The following ZMYND15 variants were observed in gnomAD, a reference collection of about 807,000 sequenced individuals.
ZMYND15 encodes zinc finger MYND domain-containing protein 15.
A neutral mutation model predicts 81.7 loss-of-function variants in ZMYND15; 54 were observed. That is an observed-to-expected ratio of 0.66 (90% CI 0.53 to 0.83). The LOEUF is 0.83. Ranked by LOEUF, ZMYND15 falls within the 40% of genes least tolerant of loss-of-function variation. The probability of loss-of-function intolerance (pLI) is 0.00; values close to 1 mark genes in which losing one functional copy is unlikely to be tolerated. For missense variants in ZMYND15, 925 were observed against 973.5 expected (o/e 0.95, Z 0.66); for synonymous variants, 399 against 387.0 (o/e 1.03, Z -0.36).
chr17:4,741,755 A>G lies in ZMYND15; in HGVS notation c.766A>G (p.Met256Val), dbSNP rs777394295. Residue 256 changes from methionine (M) to valine (V), a missense_variant, in exon 3 of 14, where the codon ATG (methionine) becomes GTG (valine). Transcript: ENST00000433935. ...ALLCHSMACP[M>V]GSGDPRKPRQ... is the part of the protein sequence containing the mutation. ...CCTCTGTCACAGCATGGCCTGTCCC[A>G]TGGGCTCTGGGGATCCCCGAAAGCC... 1.9e-6 allele frequency: 3 copies of G among 1,598,728 alleles called. No individual in the cohort carries two copies. In the South Asian group the frequency reaches 3.3e-5, roughly 18 times the overall value.
In ZMYND15 at chr17:4,740,646, G is replaced by A. The variant is rs759608980; in HGVS notation, c.98G>A (p.Gly33Glu). The A allele has an allele frequency of 1.9e-6, 3 of 1,614,194 alleles. No homozygotes were observed. The highest frequency in any genetic ancestry group is 2.5e-6 in the Non-Finnish European group (3 of 1,180,004). Reference sequence around the variant, plus strand: ...TTTGTGGCAGAGCGTGGAGCTGTAGGGACTAGCCTTGAGGGCCGCTGCCGG... The same window carrying A: ...TTTGTGGCAGAGCGTGGAGCTGTAGAGACTAGCCTTGAGGGCCGCTGCCGG... ...RKFVAERGAV[G>E]TSLEGRCRQL... Residue 33 changes from glycine to glutamate, a missense_variant, in exon 2 of 14, where the codon GGG becomes GAG. Physicochemically the swap from Gly to Glu is moderately conservative, Grantham distance 98. Transcript: ENST00000433935.
Position 4,743,917 on chromosome 17 carries a change from G to A in ZMYND15, c.1378+70G>A, listed in dbSNP as rs1916548030. On this transcript the variant is annotated intron_variant, in intron 7 of 13. Coordinates refer to ENST00000433935, the MANE Select transcript of ZMYND15 (RefSeq NM_001136046.3). This position sits in a 1 kb window ranked among gnomAD's most constrained non-coding sequence, Gnocchi z 4.3. ...CTGGAGAACCAGAGCCTGGGTGGCT[G>A]TGAAGAAGAGGTTTGTTAGACTAGA... is the stretch of plus-strand genomic sequence containing the variant. The A allele has an allele frequency of 3.2e-6, 5 of 1,587,258 alleles. No individual in the cohort carries two copies. The South Asian group carries it at 4.5e-5, about 14-fold the overall frequency.
At chr17:4,740,389 C>T (rs757440558) in intron 1 of ZMYND15, 130 bp from the exon 2 acceptor site, 2 of 1,339,170 alleles carry the variant, frequency 1.5e-6, no homozygotes, top group South Asian at 2.1e-5. Context: ...TCCTCTTCTC[C>T]GCTCCTAGCA....
In ZMYND15 at chr17:4,741,728, C is replaced by G. The variant is rs1916424623; in HGVS notation, c.739C>G (p.Leu247Val). ...TKDLAPWAYA[L>V]LCHSMACPMG... ...GGACCTGGCTCCTTGGGCCTATGCT[C>G]TCCTCTGTCACAGCATGGCCTGTCC... The change falls in exon 3 of 14, where the codon CTC becomes GTC. Residue 247 changes from leucine (L) to valine (V), a missense_variant. Transcript: ENST00000433935. 1 of 1,612,352 alleles carries G rather than the reference C, an allele frequency of 6.2e-7. No individual in the cohort carries two copies. The highest frequency in any genetic ancestry group is 8.5e-7 in the Non-Finnish European group (1 of 1,179,044).
Position 4,744,446 on chromosome 17 carries a change from G to A in ZMYND15, c.1662G>A (p.Glu554=). Residue 554 remains glutamate (E), a synonymous_variant, in exon 10 of 14, where the codon GAG becomes GAA. Coordinates refer to ENST00000433935, the MANE Select transcript of ZMYND15 (RefSeq NM_001136046.3). The surrounding 1 kb of genome is among the most constrained non-coding windows in gnomAD (Gnocchi z 4.1). ...ATGGCCTGCCCCCCGAAAGCGACGAGCAGCATTTTACCCTGCAGAGGGTGA... is the reference window on the plus strand; with the variant it reads ...ATGGCCTGCCCCCCGAAAGCGACGAACAGCATTTTACCCTGCAGAGGGTGA... ...VGDGLPPESD[E]QHFTLQRDSL... The A allele has an allele frequency of 6.2e-7, 1 of 1,614,088 alleles. No homozygotes were observed. The highest frequency in any genetic ancestry group is 8.5e-7 in the Non-Finnish European group (1 of 1,180,008).
chr17:4,744,942 G>A lies in ZMYND15; in HGVS notation c.1896+14G>A, dbSNP rs775128901. 1.9e-6 allele frequency: 3 copies of A among 1,614,026 alleles called. No individual in the cohort carries two copies. The highest frequency in any genetic ancestry group is 2.2e-5 in the East Asian group (1 of 44,874). On this transcript the variant is annotated intron_variant, in intron 12 of 13. Coordinates refer to ENST00000433935, the MANE Select transcript of ZMYND15 (RefSeq NM_001136046.3). This position sits in a 1 kb window ranked among gnomAD's most constrained non-coding sequence, Gnocchi z 4.1. ...CCCCGGTTACAGGTGGGCAATGGGG[G>A]CAAAAGGGAACTTCTCTCCCCTCCT...
At position 4,744,511 on chromosome 17, in the gene ZMYND15, G is replaced by A; in HGVS notation, c.1683+44G>A. 3 of 1,612,286 alleles carry A rather than the reference G, an allele frequency of 1.9e-6. No homozygotes were observed. Among genetic ancestry groups the A allele is most frequent in the Non-Finnish European group, 2.5e-6 (3 of 1,178,722 alleles). On this transcript the variant is annotated intron_variant, in intron 10 of 13. Coordinates refer to ENST00000433935, the MANE Select transcript of ZMYND15 (RefSeq NM_001136046.3). The surrounding 1 kb of genome is among the most constrained non-coding windows in gnomAD (Gnocchi z 4.1). ...CTGCTTTTCAGCCCTGACCCCTCCA[G>A]TGACCTCCTGGTTGGGTCCTGCCCT...
chr17:4,739,867 G>A lies in ZMYND15; in HGVS notation c.-214G>A. 1.0e-6 allele frequency: 1 copy of A among 986,274 alleles called. No individual in the cohort carries two copies. Among genetic ancestry groups the A allele is most frequent in the Non-Finnish European group, 1.2e-6 (1 of 830,576 alleles). The allele number at this position is 986,274 out of a possible 1,614,324, so 61.1% of individuals were successfully genotyped here. On this transcript the variant is annotated 5_prime_UTR_variant, in exon 1 of 14. Transcript: ENST00000433935. This position sits in a 1 kb window ranked among gnomAD's most constrained non-coding sequence, Gnocchi z 5.3. ...GCATGAGCCTCCCGGGCGGCCCGGT[G>A]GAGAGAGTCGCCGCCAGCCCCGGCC...
Position 4,745,046 on chromosome 17 carries a change from G to T in ZMYND15, c.1896+118G>T. On this transcript the variant is annotated intron_variant, in intron 12 of 13. Transcript: ENST00000433935. The surrounding 1 kb of genome is among the most constrained non-coding windows in gnomAD (Gnocchi z 5.2). ...CACCATCACCTGCTCCACAAACCTG[G>T]GGAGTGCCCACGGGTCCCCCTGCCT... is the stretch of plus-strand genomic sequence containing the variant. 6.5e-7 allele frequency: 1 copy of T among 1,534,816 alleles called. No individual in the cohort carries two copies. Among genetic ancestry groups the T allele is most frequent in the South Asian group, 1.1e-5 (1 of 87,688 alleles).
At position 4,745,690 on chromosome 17, in the gene ZMYND15, G is replaced by C. The variant is rs1470085954; in HGVS notation, c.2058-129G>C. 7 of 633,288 alleles carry C rather than the reference G, an allele frequency of 1.1e-5. No individual in the cohort carries two copies. Among genetic ancestry groups the C allele is most frequent in the Non-Finnish European group, 1.8e-5 (7 of 382,032 alleles). The allele number at this position is 633,288 out of a possible 1,614,324, so 39.2% of individuals were successfully genotyped here. A position where few individuals can be genotyped will look rare whatever the true frequency, so the allele number is the denominator to read the frequency against. Reference sequence around the variant, plus strand: ...TCAGAGGGGCAAGCCCCGCCCCCTGGTCCCTGACCGCCCGGTGGAGCCCCG... The same window carrying C: ...TCAGAGGGGCAAGCCCCGCCCCCTGCTCCCTGACCGCCCGGTGGAGCCCCG... On this transcript the variant is annotated intron_variant, in intron 13 of 13. Transcript: ENST00000433935. The surrounding 1 kb of genome is among the most constrained non-coding windows in gnomAD (Gnocchi z 5.2).
rs1454709659 is a variant in ZMYND15, at chr17:4,744,497, C to A, written c.1683+30C>A. ...GGGCTGAGGGGGCCCTGCTTTTCAG[C>A]CCTGACCCCTCCAGTGACCTCCTGG... On this transcript the variant is annotated intron_variant, in intron 10 of 13. Transcript: ENST00000433935. The surrounding 1 kb of genome is among the most constrained non-coding windows in gnomAD (Gnocchi z 4.1). The A allele has an allele frequency of 6.2e-7, 1 of 1,613,492 alleles. No homozygotes were observed. The highest frequency in any genetic ancestry group is 8.5e-7 in the Non-Finnish European group (1 of 1,179,590).
rs1916513627 is a variant in ZMYND15, at chr17:4,743,366, A to G, written c.1208A>G (p.Tyr403Cys). Residue 403 changes from tyrosine to cysteine, a missense_variant, in exon 6 of 14, where the codon TAT (tyrosine) becomes TGT (cysteine). By Grantham distance (194) the Tyr-to-Cys change is radical (BLOSUM62 -2). Coordinates refer to ENST00000433935, the MANE Select transcript of ZMYND15 (RefSeq NM_001136046.3). This position sits in a 1 kb window ranked among gnomAD's most constrained non-coding sequence, Gnocchi z 4.3. ...GCCTCTCGGGGCCTCACTCGTGGCT[A>G]TTGGACCCAGCTCAGCATGCTGATT... is the stretch of plus-strand genomic sequence containing the variant. ...FLASRGLTRG[Y>C]WTQLSMLIPG... 1.2e-6 allele frequency: 2 copies of G among 1,613,774 alleles called. No homozygotes were observed. Among genetic ancestry groups the G allele is most frequent in the Non-Finnish European group, 1.7e-6 (2 of 1,179,984 alleles).
At chr17:4,741,883 C>A (rs773297397) in intron 3 of ZMYND15, 32 bp from the exon 4 acceptor site, 1 of 1,607,476 alleles carries the variant, frequency 6.2e-7, no homozygotes, top group Non-Finnish European at 8.5e-7. Context: ...CCTCCTCCAG[C>A]CTGATGCCAT....
In ZMYND15 at chr17:4,741,067, T is replaced by A; in HGVS notation, c.519T>A (p.Gly173=). The change falls in exon 2 of 14, where the codon GGT becomes GGA. Residue 173 remains glycine (G), a synonymous_variant. Transcript: ENST00000433935. Reference sequence around the variant, plus strand: ...AGGAGGCTGCCCGGGAGGCAGGAGGTGGCAAGGATGGCTGCCGAGAGGACA... The same window carrying A: ...AGGAGGCTGCCCGGGAGGCAGGAGGAGGCAAGGATGGCTGCCGAGAGGACA... ...ESEEAAREAG[G]GKDGCREDRV... 1 of 1,544,646 alleles carries A rather than the reference T, an allele frequency of 6.5e-7. No individual in the cohort carries two copies. Among genetic ancestry groups the A allele is most frequent in the Non-Finnish European group, 8.7e-7 (1 of 1,143,398 alleles).
In ZMYND15 at chr17:4,740,911, AGAT is replaced by A; in HGVS notation, c.366_368del (p.Asp122del). The A allele has an allele frequency of 6.3e-7, 1 of 1,582,246 alleles. No individual in the cohort carries two copies. The highest frequency in any genetic ancestry group is 1.1e-5 in the South Asian group (1 of 87,168). ...AGGAAGGGGAGGAGGAAGAGGAGGA[AGAT>A]GAAGAAGAAGAGAAGAGAGAGGACG... On this transcript the variant is annotated inframe_deletion, in exon 2 of 14. Coordinates refer to ENST00000433935, the MANE Select transcript of ZMYND15 (RefSeq NM_001136046.3).
Position 4,743,960 on chromosome 17 carries a change from G to A in ZMYND15, c.1379-31G>A, listed in dbSNP as rs749931273. 1.9e-6 allele frequency: 3 copies of A among 1,556,558 alleles called. No homozygotes were observed. Among genetic ancestry groups the A allele is most frequent in the Non-Finnish European group, 2.6e-6 (3 of 1,148,428 alleles). ...AGACTAGAGGGGGTGGGGGTCCAGGGCCAGGTCCTCTAGCAACCCTCTCCT... is the reference window on the plus strand; with the variant it reads ...AGACTAGAGGGGGTGGGGGTCCAGGACCAGGTCCTCTAGCAACCCTCTCCT... On this transcript the variant is annotated intron_variant, in intron 7 of 13. Transcript: ENST00000433935. The surrounding 1 kb of genome is among the most constrained non-coding windows in gnomAD (Gnocchi z 4.3).
Position 4,744,036 on chromosome 17 carries a change from C to T in ZMYND15, c.1424C>T (p.Ser475Phe), listed in dbSNP as rs1277770484. The T allele has an allele frequency of 2.6e-6, 4 of 1,553,682 alleles. No homozygotes were observed. The highest frequency in any genetic ancestry group is 3.5e-6 in the Non-Finnish European group (4 of 1,147,780). ...ACATGGCGGGGCCTCAGCTTGGACT[C>T]CCCCATAGCCGTGCTTCTCACCTAC... Reference protein sequence around the residue: ...YYTWRGLSLDSPIAVLLTYPL... With the variant: ...YYTWRGLSLDFPIAVLLTYPL... The change falls in exon 8 of 14, where the codon TCC (serine) becomes TTC (phenylalanine). Residue 475 changes from serine to phenylalanine, a missense_variant. By Grantham distance (155) the Ser-to-Phe change is radical. Transcript: ENST00000433935. The surrounding 1 kb of genome is among the most constrained non-coding windows in gnomAD (Gnocchi z 4.1).
In ZMYND15 at chr17:4,741,815, C is replaced by A; in HGVS notation, c.826C>A (p.Arg276=). Residue 276 remains arginine, a splice_region_variant and synonymous_variant, in exon 3 of 14, where the codon CGA becomes AGA. Coordinates refer to ENST00000433935, the MANE Select transcript of ZMYND15 (RefSeq NM_001136046.3). ...TACTGTGGGAGATGCCCGGCTGCAT[C>A]GGTATAGAAATCTGGTATCTGAGGC... is the stretch of plus-strand genomic sequence containing the variant. ...QLTVGDARLH[R]ELESLVPRLG... is the part of the protein sequence containing the mutation. 1 of 1,573,426 alleles carries A rather than the reference C, an allele frequency of 6.4e-7. No homozygotes were observed. Among genetic ancestry groups the A allele is most frequent in the Non-Finnish European group, 8.6e-7 (1 of 1,158,174 alleles).
In ZMYND15 at chr17:4,744,789, G is replaced by A; in HGVS notation, c.1837+11G>A. Reference sequence around the variant, plus strand: ...CTGACCTGGTTATTGGTAAAAGCCTGGGTCTCAGGGTTAGGCATGTGGGGA... The same window carrying A: ...CTGACCTGGTTATTGGTAAAAGCCTAGGTCTCAGGGTTAGGCATGTGGGGA... On this transcript the variant is annotated intron_variant, in intron 11 of 13. Coordinates refer to ENST00000433935, the MANE Select transcript of ZMYND15 (RefSeq NM_001136046.3). This position sits in a 1 kb window ranked among gnomAD's most constrained non-coding sequence, Gnocchi z 4.1. 1 of 1,614,164 alleles carries A rather than the reference G, an allele frequency of 6.2e-7. No homozygotes were observed. The highest frequency in any genetic ancestry group is 8.5e-7 in the Non-Finnish European group (1 of 1,180,014).
Sources: gnomAD v4.1 joint callset for allele counts on GRCh38, gnomAD v4.1.1 for gene constraint, Gnocchi (gnomAD v3.1) non-coding constraint, MANE v1.5 for transcripts, NCBI Gene and HGNC (gene_info 2026-07-23, HGNC 2026-07-21) for gene names.